The following RAG2 variants were observed in gnomAD, a reference collection of about 807,000 sequenced individuals.
The protein encoded by RAG2 is recombination activating 2.
RAG2 carries 16 observed loss-of-function variants against 31.8 expected under a neutral mutation model. The ratio of observed to expected loss-of-function variants is 0.50; its 90% CI spans 0.34 to 0.76. The LOEUF (loss-of-function observed/expected upper bound fraction) is 0.76. Among genes scored for constraint, RAG2 ranks in the 30% least tolerant of loss-of-function variants. RAG2 has a pLI of 0.01. For missense variants in RAG2, 622 were observed against 628.5 expected (o/e 0.99, Z 0.11); for synonymous variants, 199 against 215.9 (o/e 0.92, Z 0.68).
In RAG2 at chr11:36,592,442, T is replaced by A; in HGVS notation, c.*143A>T. Reference sequence around the variant, plus strand: ...TTATTTATCATTGCATTATAAACACTTTTTTCTGGCCCTTAATTCATGTAA... The same window carrying A: ...TTATTTATCATTGCATTATAAACACATTTTTCTGGCCCTTAATTCATGTAA... On this transcript the variant is annotated 3_prime_UTR_variant, in exon 2 of 2. Coordinates refer to ENST00000311485, the MANE Select transcript of RAG2 (RefSeq NM_000536.4). 9.1e-7 allele frequency: 1 copy of A among 1,099,842 alleles called. No individual in the cohort carries two copies. Among genetic ancestry groups the A allele is most frequent in the Non-Finnish European group, 1.3e-6 (1 of 785,258 alleles). 68.1% of individuals were successfully genotyped at this position (1,099,842 alleles called of 1,614,324 possible). A position where few individuals can be genotyped will look rare whatever the true frequency, so the allele number is the denominator to read the frequency against.
chr11:36,597,120 T>A (rs932322862), intron 1 of RAG2, among the ~76,000 whole-genome samples: 1 of 152,260 alleles, frequency 6.6e-6, no homozygotes, highest in African/African-American at 2.4e-5. Flanking sequence ...TTACTCACTT[T>A]AACCAGATGA....
intron 1 of RAG2, 56 bp downstream of exon 1, chr11:36,598,046 T>C (rs1283734772): frequency 3.9e-5 from 6 of 152,074 alleles, no homozygotes; most frequent in Non-Finnish European, 8.8e-5. Context: ...CCTTAAAGTT[T>C]ACTAACATAG....
Position 36,594,082 on chromosome 11 carries a change from G to C in RAG2, c.87C>G (p.Phe29Leu). The change falls in exon 2 of 2, where the codon TTC (phenylalanine) becomes TTG (leucine). Residue 29 changes from phenylalanine to leucine, a missense_variant. Phe to Leu is a conservative substitution (Grantham distance 22). Coordinates refer to ENST00000311485, the MANE Select transcript of RAG2 (RefSeq NM_000536.4). Reference sequence around the variant, plus strand: ...TGGGCCAGCCTTTTTGTCCAAAGAAGAAAACTTGTCCATCAAAATTCATCA... The same window carrying C: ...TGGGCCAGCCTTTTTGTCCAAAGAACAAAACTTGTCCATCAAAATTCATCA... ...FSLMNFDGQV[F>L]FFGQKGWPKR... The C allele has an allele frequency of 6.2e-7, 1 of 1,614,046 alleles. No homozygotes were observed. The highest frequency in any genetic ancestry group is 8.5e-7 in the Non-Finnish European group (1 of 1,179,992).
intron 1 of RAG2, chr11:36,594,550 A>AG (rs1389348941): frequency 2.3e-5 from 6 of 262,926 alleles, no homozygotes; most frequent in Non-Finnish European, 4.4e-5. Context: ...GCTCTGGGAG[A>AG]GGGGACTCCT....
At chr11:36,591,293 C>A (rs761292189), downstream of RAG2, among the ~76,000 whole-genome samples, 2 of 152,146 alleles carry the variant, frequency 1.3e-5, no homozygotes, top group Non-Finnish European at 2.9e-5. Context: ...TTGCATAATT[C>A]ATGTTTCCCG....
Position 36,593,995 on chromosome 11 carries a change from C to T in RAG2, c.174G>A (p.Lys58=), listed in dbSNP as rs202020106. 132 of 1,614,058 alleles carry T rather than the reference C, an allele frequency of 8.2e-5. No individual in the cohort carries two copies. The highest frequency in any genetic ancestry group is 1.1e-4 in the Non-Finnish European group (127 of 1,180,042). ...AGGAATCCTTAGAGAAAATTGTAGG[C>T]TTCAGTTTGACATGGTTATGCTTTA... ...LDVKHNHVKL[K]PTIFSKDSCY... The change falls in exon 2 of 2, where the codon AAG becomes AAA. Residue 58 remains lysine (K), a synonymous_variant. Coordinates refer to ENST00000311485, the MANE Select transcript of RAG2 (RefSeq NM_000536.4).
Position 36,592,590 on chromosome 11 carries a change from C to A in RAG2, c.1579G>T (p.Asp527Tyr), listed in dbSNP as rs149401912. 6.2e-7 allele frequency: 1 copy of A among 1,613,932 alleles called. No individual in the cohort carries two copies. ...AKKSFLRRLFD is the reference protein window; with the variant it reads ...AKKSFLRRLFY ...TCTGAAAGGCTTTTGCAAAACTAAT[C>A]AAACAACCTTCTAAGAAAGGATTTC... Residue 527 changes from aspartate (D) to tyrosine (Y), a missense_variant, in exon 2 of 2, where the codon GAT becomes TAT. Physicochemically the swap from Asp to Tyr is radical, Grantham distance 160. Transcript: ENST00000311485.
In RAG2 at chr11:36,592,961, T is replaced by TCATCTTCATCATCTTCA. The variant is rs1409098524; in HGVS notation, c.1207_1208insTGAAGATGATGAAGATG (p.Asn403MetfsTer47). On this transcript the variant is annotated frameshift_variant, in exon 2 of 2. Coordinates refer to ENST00000311485, the MANE Select transcript of RAG2 (RefSeq NM_000536.4). LOFTEE classifies it high-confidence loss of function. The stretch of plus-strand genomic sequence containing the variant: ...AGACTCATCTTCTTCATCATCTTCA[T>TCATCTTCATCATCTTCA]TATAGGTGTCAAATTCATCATCACC... 6.2e-7 allele frequency: 1 copy of TCATCTTCATCATCTTCA among 1,614,142 alleles called. No homozygotes were observed.
Position 36,593,057 on chromosome 11 carries a change from T to C in RAG2, c.1112A>G (p.Asp371Gly). 1 of 1,614,174 alleles carries C rather than the reference T, an allele frequency of 6.2e-7. No individual in the cohort carries two copies. The highest frequency in any genetic ancestry group is 8.5e-7 in the Non-Finnish European group (1 of 1,180,000). Residue 371 changes from aspartate (D) to glycine (G), a missense_variant, in exon 2 of 2, where the codon GAT (aspartate) becomes GGT (glycine). Asp to Gly is a moderately conservative substitution (Grantham distance 94). Coordinates refer to ENST00000311485, the MANE Select transcript of RAG2 (RefSeq NM_000536.4). ...TTCAAAGGGAGTGGAATCCCCTGGA[T>C]CTTCTGTTGATGTTTGACTGTTTGT... ...TFTNSQTSTEDPGDSTPFEDS... is the reference protein window; with the variant it reads ...TFTNSQTSTEGPGDSTPFEDS...
At chr11:36,595,677 C>T (rs1275582306) in intron 1 of RAG2, among the ~76,000 whole-genome samples, 4 of 152,204 alleles carry the variant, frequency 2.6e-5, no homozygotes, top group Non-Finnish European at 1.5e-5. Flanking sequence ...TTTTACCAAC[C>T]TCATATATTG....
rs368935791 is a variant in RAG2, at chr11:36,593,366, T to C, written c.803A>G (p.Asn268Ser). The C allele has an allele frequency of 1.2e-5, 19 of 1,613,994 alleles. No individual in the cohort carries two copies. In the African/African-American group the frequency reaches 1.2e-4, roughly 10 times the overall value. Residue 268 changes from asparagine (N) to serine (S), a missense_variant, in exon 2 of 2, where the codon AAT (asparagine) becomes AGT (serine). By Grantham distance (46) the Asn-to-Ser change is conservative. Coordinates refer to ENST00000311485, the MANE Select transcript of RAG2 (RefSeq NM_000536.4). ...VSSAILTQTN[N>S]DEFVIVGGYQ... ...GCCACCAACAATAACAAATTCATCA[T>C]TGTTAGTTTGAGTCAGGATTGCACT...
At chr11:36,594,415 T>G (rs544520901) in intron 1 of RAG2, 20 of 542,582 alleles carry the variant, frequency 3.7e-5, no homozygotes, top group East Asian at 3.1e-4. Context: ...GACTATATGC[T>G]CCCTAGGATT....
In RAG2 at chr11:36,592,687, G is replaced by T. The variant is rs1358898971; in HGVS notation, c.1482C>A (p.Val494=). 6.2e-7 allele frequency: 1 copy of T among 1,614,074 alleles called. No homozygotes were observed. Among genetic ancestry groups the T allele is most frequent in the East Asian group, 2.2e-5 (1 of 44,878 alleles). ...IARALHTPQR[V]LPLKKPPMKS... ...TCATTGGAGGCTTTTTTAAGGGTAG[G>T]ACTCTTTGGGGAGTGTGTAGAGCTC... The change falls in exon 2 of 2, where the codon GTC becomes GTA. Residue 494 remains valine (V), a synonymous_variant. Transcript: ENST00000311485.
At position 36,593,472 on chromosome 11, in the gene RAG2, G is replaced by C. The variant is rs774181734; in HGVS notation, c.697C>G (p.Leu233Val). ...SLANNIRPAN[L>V]YRIRVDLPLG... is the part of the protein sequence containing the mutation. ...GGAAGATCAACCCTTATTCTGTACA[G>C]GTTGGCAGGCCGGATATTATTGGCA... The change falls in exon 2 of 2, where the codon CTG becomes GTG. Residue 233 changes from leucine to valine, a missense_variant. Coordinates refer to ENST00000311485, the MANE Select transcript of RAG2 (RefSeq NM_000536.4). The C allele has an allele frequency of 1.5e-5, 24 of 1,613,882 alleles. No homozygotes were observed. The highest frequency in any genetic ancestry group is 1.9e-5 in the Non-Finnish European group (23 of 1,180,042).
At position 36,593,619 on chromosome 11, in the gene RAG2, G is replaced by A. The variant is rs760735171; in HGVS notation, c.550C>T (p.Leu184=). 2 of 1,614,148 alleles carry A rather than the reference G, an allele frequency of 1.2e-6. No individual in the cohort carries two copies. Among genetic ancestry groups the A allele is most frequent in the South Asian group, 2.2e-5 (2 of 91,078 alleles). The change falls in exon 2 of 2, where the codon CTG becomes TTG. Residue 184 remains leucine (L), a synonymous_variant. Transcript: ENST00000311485. ...GCACACCCAAATTCAAAATCCACCAGGAAAACACAGGGCAGGCAGTCAGCT... is the reference window on the plus strand; with the variant it reads ...GCACACCCAAATTCAAAATCCACCAAGAAAACACAGGGCAGGCAGTCAGCT... ...SVADCLPCVF[L]VDFEFGCATS...
Position 36,593,155 on chromosome 11 carries a change from A to T in RAG2, c.1014T>A (p.Val338=). 1 of 1,614,168 alleles carries T rather than the reference A, an allele frequency of 6.2e-7. No homozygotes were observed. Among genetic ancestry groups the T allele is most frequent in the Non-Finnish European group, 8.5e-7 (1 of 1,180,020 alleles). ...TATAGAAATAGAATCCTTCTGAAAC[A>T]ACTTGTTTATTGTCTCCTGGTATGC... ...FLGIPGDNKQ[V]VSEGFYFYML... The change falls in exon 2 of 2, where the codon GTT becomes GTA. Residue 338 remains valine (V), a synonymous_variant. Coordinates refer to ENST00000311485, the MANE Select transcript of RAG2 (RefSeq NM_000536.4).
At chr11:36,596,561 T>G (rs1357973224) in intron 1 of RAG2, among the ~76,000 whole-genome samples, 1 of 152,186 alleles carries the variant, frequency 6.6e-6, no homozygotes, top group Non-Finnish European at 1.5e-5. Flanking sequence ...TCATAGAAAC[T>G]AAAAGGAGAC....
At chr11:36,591,268 C>T (rs1851017665), downstream of RAG2, among the ~76,000 whole-genome samples, 1 of 152,098 alleles carries the variant, frequency 6.6e-6, no homozygotes, top group African/African-American at 2.4e-5. Context: ...AACTTGTACT[C>T]CAGCGTTTCA....
downstream of RAG2, chr11:36,591,872 T>C (rs755004571): frequency 6.6e-6 from 1 of 152,250 alleles, no homozygotes; most frequent in Non-Finnish European, 1.5e-5. Flanking sequence ...ACATCATTCA[T>C]GCATCATATA....
Sources: gnomAD v4.1 joint callset for allele counts (sites outside exome capture counted in the v4.1 genomes callset) on GRCh38, gnomAD v4.1.1 for gene constraint, MANE v1.5 for transcripts, NCBI Gene and HGNC (gene_info 2026-07-23, HGNC 2026-07-21) for gene names.